HTT: variants seen among roughly 807,000 people sequenced by gnomAD.
HTT encodes huntington disease protein.
A neutral mutation model predicts 362.3 loss-of-function variants in HTT; 104 were observed. That is an observed-to-expected ratio of 0.29 (90% CI 0.24 to 0.34). HTT has a LOEUF of 0.34. Among genes scored for constraint, HTT ranks in the 10% least tolerant of loss-of-function variants. The pLI is 1.00. For synonymous variants in HTT, 1,577 were observed against 1,548.7 expected, an observed-to-expected ratio of 1.02 and a Z score of -0.43; for missense variants, 3,301 against 3,928.6, an observed-to-expected ratio of 0.84 and a Z score of 4.27.
intron 41 of HTT, among the ~76,000 whole-genome samples, chr4:3,202,018 C>T (rs1578583995): frequency 6.6e-6 from 1 of 152,200 alleles, no homozygotes; most frequent in Non-Finnish European, 1.5e-5. Flanking sequence ...ACTGGGTGCT[C>T]TGCTCCAGGA....
intron 29 of HTT, among the ~76,000 whole-genome samples, chr4:3,171,211 A>C (rs1345172076): frequency 6.6e-6 from 1 of 152,242 alleles, no homozygotes; most frequent in African/African-American, 2.4e-5. Flanking sequence ...TACTTTGAGC[A>C]TATCAGAATT....
intron 1 of HTT, among the ~76,000 whole-genome samples, chr4:3,079,749 A>T (rs975141676): frequency 5.3e-5 from 8 of 152,108 alleles, no homozygotes; most frequent in African/African-American, 1.9e-4. Flanking sequence ...TCTTAAGTGA[A>T]CTCTGGCTGA....
chr4:3,172,189 T>G (rs957287928), intron 29 of HTT, 131 bp from the exon 30 acceptor site: 2 of 680,120 alleles, frequency 2.9e-6, no homozygotes, highest in African/African-American at 3.6e-5. Context: ...AATTGAAAAC[T>G]TTCCTCTGAT....
chr4:3,239,506 C>T (rs1016333373), intron 66 of HTT, among the ~76,000 whole-genome samples: 62 of 152,336 alleles, frequency 4.1e-4, no homozygotes, highest in African/African-American at 1.4e-3. Context: ...CACAGCCTTG[C>T]CCGGCGTGCC....
At chr4:3,144,917 T>C (rs1716526338) in intron 23 of HTT, among the ~76,000 whole-genome samples, 1 of 152,050 alleles carries the variant, frequency 6.6e-6, no homozygotes, top group African/African-American at 2.4e-5. Context: ...CATTCCAGGG[T>C]GTGGGCAGCA....
intron 4 of HTT, among the ~76,000 whole-genome samples, chr4:3,104,666 C>T (rs1714335514): frequency 6.6e-6 from 1 of 152,026 alleles, no homozygotes; most frequent in South Asian, 2.1e-4. Context: ...TTAGTCCCAG[C>T]ACTTTGGGAA....
intron 38 of HTT, 66 bp from the exon 39 acceptor site, chr4:3,187,585 G>T: frequency 8.9e-7 from 1 of 1,125,210 alleles, no homozygotes; most frequent in Non-Finnish European, 1.3e-6. Flanking sequence ...CACAAAATTG[G>T]CAATTGGGGG....
rs3025853 is a variant in HTT, at chr4:3,131,867, G to A, written c.2236+92G>A. On this transcript the variant is annotated intron_variant, in intron 16 of 66. Coordinates refer to ENST00000355072, the MANE Select transcript of HTT (RefSeq NM_001388492.1). ...GACTATTTTAGTTTTAGAGCAGTAA[G>A]TGTTTTGAGTTCATTTGGGATATTT... The A allele has an allele frequency of 8.0e-3, 9,821 of 1,231,734 alleles. 471 individuals are homozygous for A. The African/African-American group carries it at 0.12, about 15-fold the overall frequency. 76.3% of individuals were successfully genotyped at this position (1,231,734 alleles called of 1,614,324 possible). A position where few individuals can be genotyped will look rare whatever the true frequency, so the allele number is the denominator to read the frequency against.
rs576122432 is a variant in HTT at position 3,243,920 on chromosome 4, C to T, written c.*3861C>T. 6.6e-6 allele frequency: 1 copy of T among 152,346 alleles called. No homozygotes were observed. Among genetic ancestry groups the T allele is most frequent in the South Asian group, 2.1e-4 (1 of 4,826 alleles). 9.4% of individuals were successfully genotyped at this position (152,346 alleles called of 1,614,324 possible). On this transcript the variant is annotated 3_prime_UTR_variant, in exon 67 of 67. Coordinates refer to ENST00000355072, the MANE Select transcript of HTT (RefSeq NM_001388492.1). ...TATTTAATTTTTTAACTGCTGCAAA[C>T]ATTGTACATCCAAATTAAAGGAAAA... is the stretch of plus-strand genomic sequence containing the variant.
chr4:3,176,035 G>GTTTTTT (rs10690454), intron 33 of HTT, among the ~76,000 whole-genome samples: 1 of 141,116 alleles, frequency 7.1e-6, no homozygotes, highest in African/African-American at 2.7e-5. Flanking sequence ...GTTTTTTTTT[G>GTTTTTT]TTTTTTTTTT....
intron 1 of HTT, among the ~76,000 whole-genome samples, chr4:3,081,123 A>C (rs1712875927): frequency 6.6e-6 from 1 of 152,220 alleles, no homozygotes; most frequent in African/African-American, 2.4e-5. Context: ...TCAACAAAGA[A>C]GCCAAGTAGG....
chr4:3,209,058 T>G (rs1720009345), intron 46 of HTT, 147 bp downstream of exon 46: 1 of 872,012 alleles, frequency 1.1e-6, no homozygotes, highest in Non-Finnish European at 1.7e-6. Context: ...GTTAGAGACG[T>G]GGGGGGCCAT....
chr4:3,213,534 C>T (rs1366117442), intron 49 of HTT, among the ~76,000 whole-genome samples: 1 of 152,208 alleles, frequency 6.6e-6, no homozygotes, highest in Non-Finnish European at 1.5e-5. Flanking sequence ...TTGCCCAGGT[C>T]CTCTGAGCTA....
At chr4:3,234,357 C>G (rs1172764149) in intron 61 of HTT, among the ~76,000 whole-genome samples, 3 of 152,248 alleles carry the variant, frequency 2.0e-5, no homozygotes, top group Admixed American at 2.0e-4. Context: ...GCAGTGGGTG[C>G]TGTGCTAGCA....
chr4:3,147,480 G>T (rs1716665188), intron 25 of HTT, among the ~76,000 whole-genome samples: 1 of 152,146 alleles, frequency 6.6e-6, no homozygotes, highest in African/African-American at 2.4e-5. Flanking sequence ...TTGATTTTGG[G>T]AGAAGTTGCC....
At chr4:3,109,219 T>G (rs1381073461) in intron 6 of HTT, among the ~76,000 whole-genome samples, 1 of 152,070 alleles carries the variant, frequency 6.6e-6, no homozygotes, top group Non-Finnish European at 1.5e-5. Context: ...TTCATGTTTC[T>G]TTCTTTCTTT....
intron 24 of HTT, 53 bp from the exon 25 acceptor site, chr4:3,146,744 G>A (rs1049971041): frequency 1.3e-6 from 2 of 1,543,788 alleles, no homozygotes; most frequent in African/African-American, 2.7e-5. Context: ...AAGGAAGACT[G>A]TTGTTTGCTT....
intron 29 of HTT, 98 bp downstream of exon 29, chr4:3,160,490 T>G: frequency 1.2e-6 from 1 of 854,750 alleles, no homozygotes; most frequent in Non-Finnish European, 1.9e-6. Context: ...TTCTCCAGGG[T>G]GCCTCCGGGA....
In HTT at chr4:3,127,335, C is replaced by G. The variant is rs201739761; in HGVS notation, c.1474C>G (p.His492Asp). Residue 492 changes from histidine to aspartate, a missense_variant, in exon 12 of 67, where the codon CAT becomes GAT. Coordinates refer to ENST00000355072, the MANE Select transcript of HTT (RefSeq NM_001388492.1). ...GGTTTCCACTCCAGGGTCAGCAGGT[C>G]ATGACATCATCACAGAACAGCCACG... Reference protein sequence around the residue: ...SGVSTPGSAGHDIITEQPRSQ... With the variant: ...SGVSTPGSAGDDIITEQPRSQ... 1.9e-6 allele frequency: 3 copies of G among 1,614,168 alleles called. No individual in the cohort carries two copies. Among genetic ancestry groups the G allele is most frequent in the Non-Finnish European group, 2.5e-6 (3 of 1,180,014 alleles).
Sources: allele counts gnomAD v4.1 joint callset (sites outside exome capture counted in the v4.1 genomes callset), GRCh38; gene constraint gnomAD v4.1.1; transcripts MANE v1.5; gene names NCBI Gene and HGNC (gene_info 2026-07-23, HGNC 2026-07-21).